The following SUSD4 variants were observed in gnomAD, a reference collection of about 807,000 sequenced individuals.
SUSD4 encodes the protein sushi domain-containing protein 4.
Under a neutral mutation model 50.5 loss-of-function variants are expected in SUSD4, and 41 were observed. The observed-to-expected ratio is 0.81, with a 90% CI of 0.63 to 1.05. The LOEUF (loss-of-function observed/expected upper bound fraction) is 1.05, where lower values mean the gene tolerates loss of function less well. Among genes scored for constraint, SUSD4 ranks in the 50% least tolerant of loss-of-function variants. SUSD4 has a pLI of 0.00. For missense variants in SUSD4, 580 were observed against 634.7 expected, an observed-to-expected ratio of 0.91 and a Z score of 0.93; for synonymous variants, 257 against 257.3, an observed-to-expected ratio of 1.00 and a Z score of 0.01.
chr1:223,267,886 T>G (rs1662601856), intron 4 of SUSD4, among the ~76,000 whole-genome samples: 1 of 151,610 alleles, frequency 6.6e-6, no homozygotes, highest in Non-Finnish European at 1.5e-5. Context: ...ACTTGAGGGT[T>G]TATTTTCACA....
intron 5 of SUSD4, among the ~76,000 whole-genome samples, chr1:223,242,532 C>G (rs1417889009): frequency 2.6e-5 from 4 of 152,234 alleles, no homozygotes; most frequent in Non-Finnish European, 2.9e-5. Context: ...GGAATTTCTA[C>G]TTGTCCCTCA....
intron 2 of SUSD4, among the ~76,000 whole-genome samples, chr1:223,323,057 G>C (rs1666672468): frequency 6.6e-6 from 1 of 152,110 alleles, no homozygotes. Flanking sequence ...CCTTTAGGTA[G>C]AGACTGAAAG....
intron 2 of SUSD4, chr1:223,360,203 C>T (rs1169061532): frequency 2.1e-6 from 1 of 470,770 alleles, no homozygotes; most frequent in South Asian, 1.6e-5. Flanking sequence ...AAGAATTCAC[C>T]TTAAAGGAGT....
At chr1:223,347,787 G>A (rs546781503) in intron 2 of SUSD4, among the ~76,000 whole-genome samples, 4 of 76,592 alleles carry the variant, frequency 5.2e-5, no homozygotes, top group Admixed American at 1.3e-4. Flanking sequence ...ACTTTTCCTC[G>A]TATTATCTCA....
At chr1:223,239,916 A>G (rs1223952819) in intron 5 of SUSD4, among the ~76,000 whole-genome samples, 1 of 152,146 alleles carries the variant, frequency 6.6e-6, no homozygotes, top group Non-Finnish European at 1.5e-5. Context: ...TCTGACCTAT[A>G]TTACTTTCTT....
chr1:223,303,971 G>T (rs774241924), intron 2 of SUSD4, among the ~76,000 whole-genome samples: 2 of 152,146 alleles, frequency 1.3e-5, no homozygotes, highest in African/African-American at 2.4e-5. Context: ...AGCAAAAGCT[G>T]GTTACAAACA....
chr1:223,361,786 G>T (rs1311537142), intron 2 of SUSD4, among the ~76,000 whole-genome samples: 1 of 152,220 alleles, frequency 6.6e-6, no homozygotes, highest in South Asian at 2.1e-4. Context: ...ATGAAAGCTA[G>T]AACTGGGAGG....
At chr1:223,337,509 G>A (rs1572090494) in intron 2 of SUSD4, among the ~76,000 whole-genome samples, 1 of 152,292 alleles carries the variant, frequency 6.6e-6, no homozygotes, top group African/African-American at 2.4e-5. Flanking sequence ...CGGGTGGGGA[G>A]GTAATGGAAG....
At chr1:223,344,034 C>T (rs1347476974) in intron 2 of SUSD4, among the ~76,000 whole-genome samples, 1 of 152,178 alleles carries the variant, frequency 6.6e-6, no homozygotes, top group Non-Finnish European at 1.5e-5. Flanking sequence ...TTAGGAAAAC[C>T]TGAGACTTCC....
chr1:223,339,704 C>A (rs117877904), intron 2 of SUSD4, among the ~76,000 whole-genome samples: 4 of 152,260 alleles, frequency 2.6e-5, no homozygotes, highest in African/African-American at 7.2e-5. Flanking sequence ...GGGGCAAGGC[C>A]GAGGAATCGT....
At position 223,351,992 on chromosome 1, in the gene SUSD4, G is replaced by A. The variant is rs1173375855; in HGVS notation, c.148+11286C>T. On this transcript the variant is annotated intron_variant, in intron 2 of 8. Coordinates refer to ENST00000366878, the MANE Select transcript of SUSD4 (RefSeq NM_017982.4). ...AAACGCCAAGTATTAGAAGACCAAG[G>A]CACGTAGGCAGCAAGATGCACAGAA... 9.9e-5 allele frequency among the ~76,000 whole-genome samples: 15 copies of A among 151,732 alleles called. 1 individual carries two copies. The highest frequency in any genetic ancestry group is 8.6e-4 in the Admixed American group (13 of 15,198).
At chr1:223,337,357 G>C (rs1170203823) in intron 2 of SUSD4, among the ~76,000 whole-genome samples, 2 of 152,200 alleles carry the variant, frequency 1.3e-5, no homozygotes, top group African/African-American at 4.8e-5. Flanking sequence ...TTAGTACAAT[G>C]CATGAATGAA....
At chr1:223,274,187 C>T (rs1247826653) in intron 3 of SUSD4, among the ~76,000 whole-genome samples, 1 of 152,174 alleles carries the variant, frequency 6.6e-6, no homozygotes, top group Non-Finnish European at 1.5e-5. Flanking sequence ...CAGCTCAGAG[C>T]ACACTGTCCC....
Position 223,223,491 on chromosome 1 carries a change from C to T in SUSD4, c.1202G>A (p.Gly401Asp), listed in dbSNP as rs1427018656. ...CTGGTCGTCCACGGGTAAGGGGCAG[C>T]CCTGGCCCACAGAGGCCATGTACCC... Reference protein sequence around the residue: ...GPGYMASVGQGCPLPVDDQSP... With the variant: ...GPGYMASVGQDCPLPVDDQSP... Residue 401 changes from glycine (G) to aspartate (D), a missense_variant, in exon 8 of 9, where the codon GGC becomes GAC. Physicochemically the swap from Gly to Asp is moderately conservative, Grantham distance 94. Coordinates refer to ENST00000366878, the MANE Select transcript of SUSD4 (RefSeq NM_017982.4). 3.1e-6 allele frequency: 5 copies of T among 1,613,406 alleles called. No homozygotes were observed. Among genetic ancestry groups the T allele is most frequent in the Middle Eastern group, 1.6e-4 (1 of 6,084 alleles).
At chr1:223,364,277 CCCCGCGGAGGCGCCCGCGCG>C (rs1422050992), upstream of SUSD4, 3 of 148,518 alleles carry the variant, frequency 2.0e-5, no homozygotes, top group African/African-American at 7.3e-5. The surrounding 1 kb of genome is among the most constrained non-coding windows in gnomAD (Gnocchi z 4.5). Context: ...GGCCGCGCGC[CCCCGCGGAGGCGCCCGCGCG>C]CCCGCTACCT....
intron 3 of SUSD4, among the ~76,000 whole-genome samples, chr1:223,288,739 C>T (rs998696646): frequency 3.3e-5 from 5 of 152,162 alleles, no homozygotes; most frequent in African/African-American, 4.8e-5. Flanking sequence ...TCCTTTCTCT[C>T]ATATAATACT....
intron 2 of SUSD4, among the ~76,000 whole-genome samples, chr1:223,334,861 A>AC (rs1425714892): frequency 1.3e-5 from 2 of 151,876 alleles, no homozygotes; most frequent in Non-Finnish European, 2.9e-5. Flanking sequence ...CCTTTCCCCG[A>AC]GTCCCCAAAG....
At chr1:223,289,280 TGAA>T in intron 3 of SUSD4, 1 of 985,436 alleles carries the variant, frequency 1.0e-6, no homozygotes, top group African/African-American at 1.7e-5. Flanking sequence ...AGAAGCAGCT[TGAA>T]GAAGCACAGA....
chr1:223,274,966 T>C (rs1277220720), intron 3 of SUSD4, among the ~76,000 whole-genome samples: 1 of 152,142 alleles, frequency 6.6e-6, no homozygotes, highest in Admixed American at 6.5e-5. Flanking sequence ...AACCTATGAG[T>C]CCAAAAATAC....
Sources: allele counts gnomAD v4.1 joint callset (sites outside exome capture counted in the v4.1 genomes callset), GRCh38; gene constraint gnomAD v4.1.1; non-coding constraint Gnocchi (gnomAD v3.1); transcripts MANE v1.5; gene names NCBI Gene and HGNC (gene_info 2026-07-23, HGNC 2026-07-21).